NLRC3: variants seen among roughly 807,000 people sequenced by gnomAD.
NLRC3 encodes the protein NLR family CARD domain-containing protein 3.
In NLRC3, 87 loss-of-function variants were observed where a neutral mutation model predicts 91.6. The observed-to-expected ratio is 0.95, with a 90% confidence interval of 0.80 to 1.14. The LOEUF is 1.14. Among genes scored for constraint, NLRC3 ranks in the 50% most tolerant of loss-of-function variants. The probability of loss-of-function intolerance (pLI) is 0.00; values close to 1 mark genes in which losing one functional copy is unlikely to be tolerated. For synonymous variants in NLRC3, 694 were observed against 625.3 expected, an observed-to-expected ratio of 1.11 and a Z score of -1.64; for missense variants, 1,577 against 1,418.6, an observed-to-expected ratio of 1.11 and a Z score of -1.79.
chr16:3,547,628 ATG>A (rs759147914), intron 15 of NLRC3, among the ~76,000 whole-genome samples: 4 of 151,962 alleles, frequency 2.6e-5, no homozygotes, highest in Non-Finnish European at 5.9e-5. Flanking sequence ...ATGTGTATAT[ATG>A]TGTGTGTATA....
chr16:3,569,222 G>A (rs1011225867), intron 1 of NLRC3, among the ~76,000 whole-genome samples: 6 of 150,598 alleles, frequency 4.0e-5, no homozygotes, highest in African/African-American at 1.5e-4. Flanking sequence ...ACTGAGGTTG[G>A]AGAATCGCTT....
chr16:3,544,162 GAAAAAA>G, intron 16 of NLRC3, 78 bp downstream of exon 16: 15 of 669,936 alleles, frequency 2.2e-5, no homozygotes, highest in East Asian at 5.7e-5. Flanking sequence ...TTGTCTCGAG[GAAAAAA>G]AAAAAAAAAA....
At chr16:3,561,275 A>G (rs1276890659) in intron 6 of NLRC3, among the ~76,000 whole-genome samples, 3 of 151,994 alleles carry the variant, frequency 2.0e-5, no homozygotes, top group Non-Finnish European at 4.4e-5. Context: ...TGAGCCTGGG[A>G]GGCAGAGATT....
intron 2 of NLRC3, 39 bp from the exon 3 acceptor site, chr16:3,565,419 A>C (rs1190929565): frequency 8.6e-6 from 4 of 463,554 alleles, no homozygotes; most frequent in African/African-American, 2.0e-5. Context: ...GTTTGCTCAA[A>C]AGGAGGGAGG....
At chr16:3,568,158 G>C (rs1054517064) in intron 1 of NLRC3, among the ~76,000 whole-genome samples, 2 of 152,082 alleles carry the variant, frequency 1.3e-5, no homozygotes, top group Admixed American at 1.3e-4. Context: ...TTTTTATCTG[G>C]AAAATGATAA....
In NLRC3 at chr16:3,564,892, T is replaced by C; in HGVS notation, c.145A>G (p.Thr49Ala). The C allele has an allele frequency of 6.2e-7, 1 of 1,609,694 alleles. No homozygotes were observed. Among genetic ancestry groups the C allele is most frequent in the Non-Finnish European group, 8.5e-7 (1 of 1,179,482 alleles). The change falls in exon 4 of 20, where the codon ACA (threonine) becomes GCA (alanine). Residue 49 changes from threonine (T) to alanine (A), a missense_variant. Transcript: ENST00000359128. The surrounding 1 kb of genome is among the most constrained non-coding windows in gnomAD (Gnocchi z 5.9). ...GSQAPQALDR[T>A]PDAPLGPCSN... ...CAGGGCCCCAGCGGGGCATCCGGTG[T>C]CCTATCCAGGGCCTGCGGGGCCTGG...
intron 9 of NLRC3, among the ~76,000 whole-genome samples, chr16:3,553,724 TATTTTA>T (rs1232916886): frequency 2.0e-5 from 3 of 150,704 alleles, no homozygotes; most frequent in African/African-American, 4.9e-5. Flanking sequence ...TTTTATTTTA[TATTTTA>T]ATTTTATTTT....
intron 16 of NLRC3, chr16:3,543,872 G>T: frequency 2.9e-6 from 1 of 349,538 alleles, no homozygotes; most frequent in Non-Finnish European, 5.4e-6. Flanking sequence ...ATAACGTCCA[G>T]GCCAGGTGTG....
Position 3,541,787 on chromosome 16 carries a change from C to G in NLRC3, c.*38G>C. The G allele has an allele frequency of 1.4e-6, 2 of 1,404,766 alleles. No individual in the cohort carries two copies. The highest frequency in any genetic ancestry group is 2.0e-6 in the Non-Finnish European group (2 of 996,776). 87.0% of individuals were successfully genotyped at this position (1,404,766 alleles called of 1,614,324 possible). ...GGCCTTTCTGTTCAAAAGCTTCCAGCTGAGCATCTGCCCATTCTCCTGATC... is the reference window on the plus strand; with the variant it reads ...GGCCTTTCTGTTCAAAAGCTTCCAGGTGAGCATCTGCCCATTCTCCTGATC... On this transcript the variant is annotated 3_prime_UTR_variant, in exon 20 of 20. Transcript: ENST00000359128.
At chr16:3,568,844 G>A (rs1168615694) in intron 1 of NLRC3, among the ~76,000 whole-genome samples, 4 of 152,002 alleles carry the variant, frequency 2.6e-5, no homozygotes, top group African/African-American at 4.8e-5. Flanking sequence ...TTCTCATCTC[G>A]GTCTTGCCAG....
Position 3,564,716 on chromosome 16 carries a change from A to C in NLRC3, c.221T>G (p.Val74Gly), listed in dbSNP as rs553821035. 76 of 1,595,532 alleles carry C rather than the reference A, an allele frequency of 4.8e-5. 1 individual carries two copies. The South Asian group carries it at 8.3e-4, about 18-fold the overall frequency. ...TCCGCCCAGCTCCGGGCCACCTCCCACCTTGCTCAGCAGGGCCTTGCGGTG... is the reference window on the plus strand; with the variant it reads ...TCCGCCCAGCTCCGGGCCACCTCCCCCCTTGCTCAGCAGGGCCTTGCGGTG... ...QRHRKALLSKVGGGPELGGPW... is the reference protein window; with the variant it reads ...QRHRKALLSKGGGGPELGGPW... The change falls in exon 5 of 20, where the codon GTG becomes GGG. Residue 74 changes from valine (V) to glycine (G), a missense_variant. By Grantham distance (109) the Val-to-Gly change is moderately radical. Transcript: ENST00000359128. This position sits in a 1 kb window ranked among gnomAD's most constrained non-coding sequence, Gnocchi z 5.9.
intron 1 of NLRC3, among the ~76,000 whole-genome samples, chr16:3,576,783 C>A (rs1450686290): frequency 6.6e-6 from 1 of 152,124 alleles, no homozygotes; most frequent in Non-Finnish European, 1.5e-5. Flanking sequence ...CTGCCTCAGC[C>A]TCCCGACTAG....
intron 6 of NLRC3, among the ~76,000 whole-genome samples, chr16:3,559,632 T>TTTTTTTTTTTC (rs1263572513): frequency 7.0e-6 from 1 of 142,732 alleles, no homozygotes; most frequent in African/African-American, 2.8e-5. Context: ...TTTACTTTTC[T>TTTTTTTTTTTC]TTTTTTTTTT....
chr16:3,557,054 CAG>C (rs2039375105), intron 7 of NLRC3, 60 bp from the exon 8 acceptor site: 4 of 1,184,986 alleles, frequency 3.4e-6, no homozygotes, highest in East Asian at 2.4e-5. Flanking sequence ...GAAGGGGAAA[CAG>C]AAACTGCATT....
rs1180450100 is a variant in NLRC3, at chr16:3,564,611, A to G, written c.326T>C (p.Val109Ala). 6 of 1,610,216 alleles carry G rather than the reference A, an allele frequency of 3.7e-6. No individual in the cohort carries two copies. Among genetic ancestry groups the G allele is most frequent in the Non-Finnish European group, 4.2e-6 (5 of 1,179,722 alleles). The change falls in exon 5 of 20, where the codon GTG (valine) becomes GCG (alanine). Residue 109 changes from valine to alanine, a missense_variant. By Grantham distance (64) the Val-to-Ala change is moderately conservative (BLOSUM62 0). Transcript: ENST00000359128. The surrounding 1 kb of genome is among the most constrained non-coding windows in gnomAD (Gnocchi z 5.9). ...LQLREHDFTQ[V>A]EATRGGGHPA... is the part of the protein sequence containing the mutation. ...GTGCCCGCCCCCGCGGGTGGCCTCC[A>G]CCTGTGTGAAGTCGTGTTCCCTCAG...
Position 3,564,599 on chromosome 16 carries a change from C to T in NLRC3, c.338G>A (p.Arg113His), listed in dbSNP as rs781139635. Residue 113 changes from arginine to histidine, a missense_variant, in exon 5 of 20, where the codon CGC becomes CAC. Transcript: ENST00000359128. This position sits in a 1 kb window ranked among gnomAD's most constrained non-coding sequence, Gnocchi z 5.9. ...EHDFTQVEAT[R>H]GGGHPARTVA... ...GGTCCTGGCGGGGTGCCCGCCCCCGCGGGTGGCCTCCACCTGTGTGAAGTC... is the reference window on the plus strand; with the variant it reads ...GGTCCTGGCGGGGTGCCCGCCCCCGTGGGTGGCCTCCACCTGTGTGAAGTC... The T allele has an allele frequency of 1.3e-5, 21 of 1,610,836 alleles. No individual in the cohort carries two copies. The highest frequency in any genetic ancestry group is 1.5e-5 in the Non-Finnish European group (18 of 1,179,700).
At position 3,563,036 on chromosome 16, in the gene NLRC3, G is replaced by T; in HGVS notation, c.1901C>A (p.Pro634His). The change falls in exon 5 of 20, where the codon CCC becomes CAC. Residue 634 changes from proline (P) to histidine (H), a missense_variant. Physicochemically the swap from Pro to His is moderately conservative, Grantham distance 77 (BLOSUM62 -2). Coordinates refer to ENST00000359128, the MANE Select transcript of NLRC3 (RefSeq NM_178844.4). ...GAGCTTCCGGCAGTAGAGCAGCTGG[G>T]GCAGCAGGCTCTGAAGGACGCCCTG... Reference protein sequence around the residue: ...LSQGVLQSLLPQLLYCRKLRL... With the variant: ...LSQGVLQSLLHQLLYCRKLRL... 3 of 1,557,054 alleles carry T rather than the reference G, an allele frequency of 1.9e-6. No homozygotes were observed. The highest frequency in any genetic ancestry group is 2.6e-6 in the Non-Finnish European group (3 of 1,150,916).
At chr16:3,544,711 A>C in intron 15 of NLRC3, 1 of 219,362 alleles carries the variant, frequency 4.6e-6, no homozygotes. Flanking sequence ...TCACTCTGCC[A>C]CCCAGGCTGG....
chr16:3,575,759 C>T (rs1055995941), intron 1 of NLRC3, among the ~76,000 whole-genome samples: 1 of 152,200 alleles, frequency 6.6e-6, no homozygotes, highest in Non-Finnish European at 1.5e-5. Context: ...CTGATCTGTG[C>T]CTCAGTCCTT....
Sources: gnomAD v4.1 joint callset for allele counts (sites outside exome capture counted in the v4.1 genomes callset) on GRCh38, gnomAD v4.1.1 for gene constraint, Gnocchi (gnomAD v3.1) non-coding constraint, MANE v1.5 for transcripts, NCBI Gene and HGNC (gene_info 2026-07-23, HGNC 2026-07-21) for gene names.